The following EYS variants were observed in gnomAD, a reference collection of about 807,000 sequenced individuals.
EYS encodes the protein EGF-like photoreceptor maintenance factor, also known as protein eyes shut homolog.
In EYS, 250 loss-of-function variants were observed where a neutral mutation model predicts 282.1. That is an observed-to-expected ratio of 0.89 (90% CI 0.80 to 0.98). The LOEUF (loss-of-function observed/expected upper bound fraction) is 0.98, where lower values mean the gene tolerates loss of function less well. Among genes scored for constraint, EYS ranks in the 50% least tolerant of loss-of-function variants. The probability of loss-of-function intolerance (pLI) is 0.00; values close to 1 mark genes in which losing one functional copy is unlikely to be tolerated. For missense variants in EYS, 4,016 were observed against 3,709.0 expected, an observed-to-expected ratio of 1.08 and a Z score of -2.15; for synonymous variants, 1,355 against 1,282.9, an observed-to-expected ratio of 1.06 and a Z score of -1.20.
At chr6:64,723,119 A>G (rs1771640238) in intron 22 of EYS, among the ~76,000 whole-genome samples, 1 of 152,030 alleles carries the variant, frequency 6.6e-6, no homozygotes, top group South Asian at 2.1e-4. Context: ...TTAAGAACAC[A>G]CAGTGAGCAT....
intron 41 of EYS, among the ~76,000 whole-genome samples, chr6:63,730,185 T>A (rs1418836766): frequency 2.6e-5 from 4 of 152,226 alleles, no homozygotes; most frequent in African/African-American, 9.6e-5. Context: ...AGCTGCATGA[T>A]ATATTTCATA....
At chr6:65,498,604 T>TGATGCA (rs1481672609) in intron 2 of EYS, among the ~76,000 whole-genome samples, 1 of 151,910 alleles carries the variant, frequency 6.6e-6, no homozygotes, top group African/African-American at 2.4e-5. Flanking sequence ...GAAAGTGGCT[T>TGATGCA]GATGCATTGC....
At chr6:65,361,529 G>A in intron 8 of EYS, among the ~76,000 whole-genome samples, 1 of 147,216 alleles carries the variant, frequency 6.8e-6, no homozygotes. Context: ...CGCCCAGGCT[G>A]GAATGCAGTA....
intron 26 of EYS, among the ~76,000 whole-genome samples, chr6:64,499,603 G>T: frequency 1.3e-5 from 2 of 152,110 alleles, no homozygotes; most frequent in Middle Eastern, 6.8e-3. Context: ...AAGCCAGAAT[G>T]ATCTGCTCAT....
chr6:64,001,547 C>A (rs960270145), intron 33 of EYS, among the ~76,000 whole-genome samples: 1 of 151,872 alleles, frequency 6.6e-6, no homozygotes, highest in South Asian at 2.1e-4. Flanking sequence ...TTGGAAAAGA[C>A]AATTTATTTG....
intron 30 of EYS, among the ~76,000 whole-genome samples, chr6:64,306,004 A>G (rs1185452150): frequency 6.6e-6 from 1 of 152,242 alleles, no homozygotes; most frequent in East Asian, 1.9e-4. Context: ...TATTCAGAAT[A>G]TATAGAGAAC....
intron 22 of EYS, among the ~76,000 whole-genome samples, chr6:64,788,337 C>T (rs1774085144): frequency 6.6e-6 from 1 of 152,122 alleles, no homozygotes. Flanking sequence ...TGACTGTGAT[C>T]TGGCAGCTGA....
At chr6:64,529,795 T>C (rs1489520090) in intron 26 of EYS, among the ~76,000 whole-genome samples, 1 of 151,376 alleles carries the variant, frequency 6.6e-6, no homozygotes, top group South Asian at 2.1e-4. Flanking sequence ...AAAATAAGTT[T>C]GCAGACTTGC....
intron 2 of EYS, among the ~76,000 whole-genome samples, chr6:65,534,752 C>G (rs71572533): frequency 2.0e-5 from 3 of 152,060 alleles, no homozygotes; most frequent in Non-Finnish European, 2.9e-5. Context: ...CTTTTTCCAC[C>G]GTAAAGCTTC....
chr6:64,129,395 T>C (rs189229841), intron 31 of EYS, among the ~76,000 whole-genome samples: 174 of 152,304 alleles, frequency 1.1e-3, no homozygotes, highest in Admixed American at 0.01. Flanking sequence ...CATTTTTTCA[T>C]TTTGTCTTTT....
At chr6:64,550,005 C>A (rs549792361) in intron 26 of EYS, among the ~76,000 whole-genome samples, 2 of 151,902 alleles carry the variant, frequency 1.3e-5, no homozygotes, top group Non-Finnish European at 2.9e-5. Context: ...TTTGTCCTTG[C>A]GATAGTTTGC....
At chr6:64,408,172 T>C (rs889747216) in intron 28 of EYS, among the ~76,000 whole-genome samples, 1 of 151,466 alleles carries the variant, frequency 6.6e-6, no homozygotes, top group Admixed American at 6.6e-5. Flanking sequence ...AATAATGAGT[T>C]AATAATAAAT....
At chr6:65,598,246 C>A (rs1242628529) in intron 2 of EYS, among the ~76,000 whole-genome samples, 6 of 90,610 alleles carry the variant, frequency 6.6e-5, no homozygotes, top group African/African-American at 1.2e-4. Context: ...CCACCCCCCC[C>A]CCAAAAAAAA....
chr6:64,720,180 C>CAGCT (rs1046818823), intron 22 of EYS, among the ~76,000 whole-genome samples: 2 of 152,176 alleles, frequency 1.3e-5, no homozygotes, highest in Admixed American at 1.3e-4. Flanking sequence ...AGGCTGCCAG[C>CAGCT]AGCTGTTAGC....
intron 12 of EYS, among the ~76,000 whole-genome samples, chr6:65,080,019 T>C (rs1351556413): frequency 3.9e-5 from 6 of 152,088 alleles, no homozygotes; most frequent in African/African-American, 1.4e-4. Context: ...AGGAAAAGGA[T>C]TTTTGAATTG....
At chr6:64,889,747 G>C (rs1767219396) in intron 18 of EYS, among the ~76,000 whole-genome samples, 1 of 151,960 alleles carries the variant, frequency 6.6e-6, no homozygotes, top group Non-Finnish European at 1.5e-5. Flanking sequence ...CCTGTCAGCT[G>C]AGGAAGATGT....
At chr6:64,504,648 G>A (rs1469467526) in intron 26 of EYS, among the ~76,000 whole-genome samples, 1 of 152,162 alleles carries the variant, frequency 6.6e-6, no homozygotes, top group Non-Finnish European at 1.5e-5. Context: ...GCAAGAAGTG[G>A]CATTTGGCAA....
intron 1 of EYS, among the ~76,000 whole-genome samples, chr6:65,656,162 C>G (rs796310434): frequency 8.6e-5 from 13 of 151,960 alleles, no homozygotes; most frequent in African/African-American, 3.1e-4. Flanking sequence ...GCGATTCCCT[C>G]TTTCCTCCCC....
rs955762079 is a variant in EYS, at chr6:64,230,591, C to A, written c.6424+1G>T. 1.3e-6 allele frequency: 2 copies of A among 1,541,838 alleles called. No individual in the cohort carries two copies. The highest frequency in any genetic ancestry group is 1.8e-6 in the Non-Finnish European group (2 of 1,138,696). On this transcript the variant is annotated splice_donor_variant, in intron 31 of 42. Transcript: ENST00000503581. LOFTEE classifies it high-confidence loss of function. ...ACAAAAGGGTAATGAAGATTGATTA[C>A]CTTTTTCACAGAAGCGGCCAGTGAA...
Sources: allele counts gnomAD v4.1 joint callset (sites outside exome capture counted in the v4.1 genomes callset), GRCh38; gene constraint gnomAD v4.1.1; transcripts MANE v1.5; gene names NCBI Gene and HGNC (gene_info 2026-07-23, HGNC 2026-07-21).